The following C7orf33 variants were observed in gnomAD, a reference collection of about 807,000 sequenced individuals.
C7orf33 encodes the protein uncharacterized protein C7orf33.
Under a neutral mutation model 13.4 loss-of-function variants are expected in C7orf33, and 15 were observed. That is an observed-to-expected ratio of 1.12 (90% confidence interval 0.75 to 1.72). The LOEUF (loss-of-function observed/expected upper bound fraction) is 1.72, where lower values mean the gene tolerates loss of function less well. Ranked by LOEUF, C7orf33 falls within the 40% of genes most tolerant of loss-of-function variation. The pLI is 0.00. For synonymous variants in C7orf33, 73 were observed against 83.2 expected (o/e 0.88, Z 0.67); for missense variants, 187 against 220.3 (o/e 0.85, Z 0.96).
intron 2 of C7orf33, among the ~76,000 whole-genome samples, chr7:148,614,916 T>G (rs1208627580): frequency 6.6e-6 from 1 of 152,218 alleles, no homozygotes; most frequent in Non-Finnish European, 1.5e-5. Context: ...TTGACATAAA[T>G]GAAAAGTTGC....
At chr7:148,605,673 T>C (rs956885550) in intron 1 of C7orf33, among the ~76,000 whole-genome samples, 1 of 152,220 alleles carries the variant, frequency 6.6e-6, no homozygotes, top group Non-Finnish European at 1.5e-5. Flanking sequence ...AGCCCCCACC[T>C]TGAAGGTCTG....
intron 1 of C7orf33, among the ~76,000 whole-genome samples, chr7:148,593,015 A>G (rs1408296762): frequency 6.6e-6 from 1 of 151,544 alleles, no homozygotes; most frequent in Non-Finnish European, 1.5e-5. Flanking sequence ...TAATTTTTGT[A>G]TTTTTAGTAG....
intron 1 of C7orf33, among the ~76,000 whole-genome samples, chr7:148,601,376 C>G (rs1257662147): frequency 5.9e-5 from 9 of 152,054 alleles, no homozygotes; most frequent in African/African-American, 2.2e-4. Context: ...GACAGAGTCT[C>G]ACTCTGTTGC....
chr7:148,594,422 C>T (rs547180945), intron 1 of C7orf33, among the ~76,000 whole-genome samples: 29 of 152,100 alleles, frequency 1.9e-4, no homozygotes, highest in African/African-American at 5.5e-4. Context: ...GTGATCTGCC[C>T]GCCTCGGCCT....
chr7:148,603,478 C>G (rs908845118), intron 1 of C7orf33, among the ~76,000 whole-genome samples: 1 of 152,080 alleles, frequency 6.6e-6, no homozygotes, highest in African/African-American at 2.4e-5. Flanking sequence ...TGCACTCCAG[C>G]CTGGGCAACA....
In C7orf33 at chr7:148,615,824, T is replaced by TAA. The variant is rs1221820147; in HGVS notation, c.*426_*427dup. 2 of 159,494 alleles carry TAA rather than the reference T, an allele frequency of 1.3e-5. No individual in the cohort carries two copies. Among genetic ancestry groups the TAA allele is most frequent in the African/African-American group, 2.4e-5 (1 of 41,692 alleles). The allele number at this position is 159,494 out of a possible 1,614,324, so 9.9% of individuals were successfully genotyped here. A position where few individuals can be genotyped will look rare whatever the true frequency, so the allele number is the denominator to read the frequency against. On this transcript the variant is annotated 3_prime_UTR_variant, in exon 3 of 3. Coordinates refer to ENST00000307003, the MANE Select transcript of C7orf33 (RefSeq NM_145304.4). ...ATTTGTAATATCTGGTATGTCTAAG[T>TAA]AAAACATGCATTCAGTAAAACTCGC...
intron 1 of C7orf33, among the ~76,000 whole-genome samples, chr7:148,611,769 G>A (rs190865663): frequency 2.6e-5 from 4 of 152,312 alleles, no homozygotes; most frequent in African/African-American, 7.2e-5. Context: ...TGGGTTACAC[G>A]TGCCCACCTG....
chr7:148,595,378 T>G (rs1270092089), intron 1 of C7orf33, among the ~76,000 whole-genome samples: 1 of 136,722 alleles, frequency 7.3e-6, no homozygotes, highest in African/African-American at 2.7e-5. Flanking sequence ...AATATAGATC[T>G]CTATTATATA....
intron 1 of C7orf33, among the ~76,000 whole-genome samples, chr7:148,612,742 C>T (rs1796558233): frequency 6.6e-6 from 1 of 151,926 alleles, no homozygotes; most frequent in Non-Finnish European, 1.5e-5. Context: ...ATAACACGTG[C>T]TGGCTGGTGA....
chr7:148,598,729 T>TAG (rs1796373146), intron 1 of C7orf33, among the ~76,000 whole-genome samples: 1 of 23,592 alleles, frequency 4.2e-5, no homozygotes, highest in African/African-American at 1.3e-4. Flanking sequence ...TTCCTGGATA[T>TAG]ATATATATAT....
intron 1 of C7orf33, among the ~76,000 whole-genome samples, chr7:148,613,356 T>C (rs905624858): frequency 6.6e-5 from 10 of 152,362 alleles, no homozygotes; most frequent in Admixed American, 2.0e-4. Flanking sequence ...AAAAGCTCTG[T>C]ACACAAATAA....
At chr7:148,613,476 C>T (rs1296903594) in intron 1 of C7orf33, among the ~76,000 whole-genome samples, 2 of 152,194 alleles carry the variant, frequency 1.3e-5, no homozygotes, top group African/African-American at 2.4e-5. Context: ...TAAACTATTA[C>T]TGGGCAATTA....
chr7:148,603,824 A>T (rs976344265), intron 1 of C7orf33, among the ~76,000 whole-genome samples: 1 of 152,198 alleles, frequency 6.6e-6, no homozygotes, highest in South Asian at 2.1e-4. Flanking sequence ...CTCCATAGAC[A>T]CATGTGTTAA....
chr7:148,606,931 A>AAACACACAC (rs761219669), intron 1 of C7orf33, among the ~76,000 whole-genome samples: 1 of 20,160 alleles, frequency 5.0e-5, no homozygotes, highest in Admixed American at 1.1e-3. Flanking sequence ...TTAAAAAAAA[A>AAACACACAC]ATACACACAC....
chr7:148,598,763 TAGAGAGAGAGAGAGAGAGAG>T (rs774619392), intron 1 of C7orf33, among the ~76,000 whole-genome samples: 153 of 26,156 alleles, frequency 5.8e-3, no homozygotes, highest in African/African-American at 8.4e-3. Flanking sequence ...TATATATATA[TAGAGAGAGAGAGAGAGAGAG>T]AGAGAGAGAG....
At chr7:148,613,529 T>C (rs1291238062) in intron 1 of C7orf33, among the ~76,000 whole-genome samples, 1 of 152,254 alleles carries the variant, frequency 6.6e-6, no homozygotes, top group African/African-American at 2.4e-5. Flanking sequence ...TAGTCGGACC[T>C]TGAAAACATC....
intron 1 of C7orf33, among the ~76,000 whole-genome samples, chr7:148,601,059 C>T (rs1796408160): frequency 6.6e-6 from 1 of 152,130 alleles, no homozygotes; most frequent in African/African-American, 2.4e-5. Flanking sequence ...ACCTCAGCCT[C>T]CCAAAGTGCT....
intron 2 of C7orf33, 47 bp downstream of exon 2, chr7:148,614,343 G>GTTTA (rs1197814320): frequency 6.4e-7 from 1 of 1,572,000 alleles, no homozygotes; most frequent in Admixed American, 1.8e-5. Flanking sequence ...GGAAACCCAC[G>GTTTA]GGATGCTCTG....
chr7:148,608,362 G>A (rs879924065), intron 1 of C7orf33, among the ~76,000 whole-genome samples: 15 of 152,000 alleles, frequency 9.9e-5, no homozygotes, highest in Non-Finnish European at 1.5e-4. Context: ...CCCAGGAGGC[G>A]GAGGTTGCAG....
Sources: allele counts gnomAD v4.1 joint callset (sites outside exome capture counted in the v4.1 genomes callset), GRCh38; gene constraint gnomAD v4.1.1; transcripts MANE v1.5; gene names NCBI Gene and HGNC (gene_info 2026-07-23, HGNC 2026-07-21).